The following ITGB6 variants were observed in gnomAD, a reference collection of about 807,000 sequenced individuals.
ITGB6 encodes the protein integrin beta-6.
In ITGB6, 80 loss-of-function variants were observed where a neutral mutation model predicts 84.5. The observed-to-expected ratio is 0.95, with a 90% CI of 0.79 to 1.14. The LOEUF (loss-of-function observed/expected upper bound fraction) is 1.14. Ranked by LOEUF, ITGB6 falls within the 50% of genes most tolerant of loss-of-function variation. ITGB6 has a pLI of 0.00. For synonymous variants in ITGB6, 383 were observed against 354.9 expected, an observed-to-expected ratio of 1.08 and a Z score of -0.89; for missense variants, 1,006 against 968.0, an observed-to-expected ratio of 1.04 and a Z score of -0.52.
chr2:160,165,961 C>A (rs921689104), intron 7 of ITGB6, among the ~76,000 whole-genome samples: 14 of 152,196 alleles, frequency 9.2e-5, no homozygotes, highest in Non-Finnish European at 1.5e-5. Context: ...TTTCTTTTGA[C>A]CCAATTTTAG....
chr2:160,195,290 C>G, intron 4 of ITGB6, 79 bp downstream of exon 4: 1 of 1,564,962 alleles, frequency 6.4e-7, no homozygotes. Context: ...TTAGCAAGCT[C>G]CTGGCAAGTG....
At chr2:160,144,725 T>C (rs1239258189) in intron 7 of ITGB6, among the ~76,000 whole-genome samples, 2 of 152,226 alleles carry the variant, frequency 1.3e-5, no homozygotes, top group East Asian at 1.9e-4. Flanking sequence ...TTGTGGTTAA[T>C]TCTTGGCTAA....
intron 7 of ITGB6, among the ~76,000 whole-genome samples, chr2:160,159,215 GA>G (rs947985227): frequency 1.3e-5 from 2 of 151,246 alleles, no homozygotes; most frequent in African/African-American, 4.9e-5. Context: ...AGTTAAAAAA[GA>G]AAATAAAAAG....
chr2:160,118,126 T>C (rs1489744226), intron 12 of ITGB6, among the ~76,000 whole-genome samples: 2 of 152,084 alleles, frequency 1.3e-5, no homozygotes, highest in African/African-American at 2.4e-5. Flanking sequence ...ACTATTCCAA[T>C]CAATAGAAAA....
chr2:160,166,042 C>T (rs1010184462), intron 7 of ITGB6, among the ~76,000 whole-genome samples: 118 of 152,266 alleles, frequency 7.7e-4, no homozygotes, highest in African/African-American at 2.7e-3. Context: ...TACTGTGTTT[C>T]GAGAATTGGC....
chr2:160,107,069 G>A (rs191845331), intron 14 of ITGB6, among the ~76,000 whole-genome samples: 2 of 152,292 alleles, frequency 1.3e-5, no homozygotes, highest in Admixed American at 1.3e-4. Context: ...CTCTTGTGAA[G>A]AGAAGGCAGT....
Position 160,169,261 on chromosome 2 carries a change from T to C in ITGB6, c.968A>G (p.Asn323Ser). ...GGTTACAGCGAAGATCAATAACACG[T>C]TGTTTTGTACCAGTTTATCAATGAG... Reference protein sequence around the residue: ...GQLIDKLVQNNVLLIFAVTQE... With the variant: ...GQLIDKLVQNSVLLIFAVTQE... The change falls in exon 7 of 15, where the codon AAC becomes AGC. Residue 323 changes from asparagine (N) to serine (S), a missense_variant. By Grantham distance (46) the Asn-to-Ser change is conservative (BLOSUM62 1). Coordinates refer to ENST00000283249, the MANE Select transcript of ITGB6 (RefSeq NM_000888.5). The C allele has an allele frequency of 6.2e-7, 1 of 1,604,490 alleles. No individual in the cohort carries two copies. Among genetic ancestry groups the C allele is most frequent in the Non-Finnish European group, 8.5e-7 (1 of 1,176,468 alleles).
At chr2:160,188,608 T>C (rs551310328) in intron 4 of ITGB6, among the ~76,000 whole-genome samples, 66 of 146,610 alleles carry the variant, frequency 4.5e-4, no homozygotes, top group African/African-American at 1.5e-3. Flanking sequence ...ATTCAATTCT[T>C]TTTTTTTTTT....
chr2:160,151,046 G>A (rs926999540), intron 7 of ITGB6, among the ~76,000 whole-genome samples: 5 of 151,956 alleles, frequency 3.3e-5, no homozygotes, highest in African/African-American at 9.7e-5. Context: ...CAAGGCAGAA[G>A]CTTAACAAGG....
intron 2 of ITGB6, among the ~76,000 whole-genome samples, chr2:160,197,371 G>GTCTT (rs527777695): frequency 4.3e-4 from 66 of 152,252 alleles, no homozygotes; most frequent in South Asian, 1.2e-3. Context: ...GTGAGATGTA[G>GTCTT]TCTTTCCCAG....
At chr2:160,191,614 TAG>T (rs1686146362) in intron 4 of ITGB6, among the ~76,000 whole-genome samples, 1 of 152,178 alleles carries the variant, frequency 6.6e-6, no homozygotes, top group Non-Finnish European at 1.5e-5. Flanking sequence ...TGAACATGAC[TAG>T]ATTGTCCTCA....
intron 14 of ITGB6, among the ~76,000 whole-genome samples, chr2:160,106,965 A>G (rs1696932401): frequency 6.6e-6 from 1 of 152,206 alleles, no homozygotes; most frequent in Admixed American, 6.5e-5. Context: ...GATGAAATTA[A>G]AACTATGGAA....
intron 6 of ITGB6, among the ~76,000 whole-genome samples, chr2:160,170,441 G>A (rs371962274): frequency 1.6e-4 from 25 of 152,242 alleles, no homozygotes; most frequent in African/African-American, 5.5e-4. Flanking sequence ...TTTCAACTGC[G>A]TAAAAATCCT....
At chr2:160,147,653 G>A (rs538286727) in intron 7 of ITGB6, among the ~76,000 whole-genome samples, 1 of 152,228 alleles carries the variant, frequency 6.6e-6, no homozygotes, top group South Asian at 2.1e-4. Context: ...ACAGAATAGA[G>A]AGCCCAGAAA....
chr2:160,177,463 C>G (rs1033204017), intron 4 of ITGB6, among the ~76,000 whole-genome samples: 1 of 151,468 alleles, frequency 6.6e-6, no homozygotes, highest in Admixed American at 6.6e-5. Context: ...CCCAGCTACT[C>G]AGGAGGCTGA....
rs775980811 is a variant in ITGB6, at chr2:160,195,348, C to G, written c.593+21G>C. Reference sequence around the variant, plus strand: ...CACAGAAAATCAGCGCACAAAGATGCCAAGAGAATCATTTACTTACCTGCA... The same window carrying G: ...CACAGAAAATCAGCGCACAAAGATGGCAAGAGAATCATTTACTTACCTGCA... On this transcript the variant is annotated intron_variant, in intron 4 of 14. Coordinates refer to ENST00000283249, the MANE Select transcript of ITGB6 (RefSeq NM_000888.5). 4 of 1,613,540 alleles carry G rather than the reference C, an allele frequency of 2.5e-6. No homozygotes were observed. In the Admixed American group the frequency reaches 6.7e-5, roughly 27 times the overall value.
At chr2:160,195,770 C>A (rs1407111271) in intron 3 of ITGB6, among the ~76,000 whole-genome samples, 155 bp from the exon 4 acceptor site, 5 of 152,188 alleles carry the variant, frequency 3.3e-5, no homozygotes, top group Non-Finnish European at 7.3e-5. Context: ...CCTAAAAGAA[C>A]CAACCCATGA....
chr2:160,120,827 C>T (rs962777652), intron 12 of ITGB6, among the ~76,000 whole-genome samples: 14 of 147,032 alleles, frequency 9.5e-5, no homozygotes, highest in Non-Finnish European at 1.9e-4. Context: ...AACCAAACAC[C>T]ACATGTTCTC....
At chr2:160,192,832 T>A (rs1686194296) in intron 4 of ITGB6, among the ~76,000 whole-genome samples, 1 of 151,930 alleles carries the variant, frequency 6.6e-6, no homozygotes, top group South Asian at 2.1e-4. Context: ...GCAAAAGATT[T>A]GAAAAGAAAC....
Sources: allele counts gnomAD v4.1 joint callset (sites outside exome capture counted in the v4.1 genomes callset), GRCh38; gene constraint gnomAD v4.1.1; transcripts MANE v1.5; gene names NCBI Gene and HGNC (gene_info 2026-07-23, HGNC 2026-07-21).